TIMM44: variants seen among roughly 807,000 people sequenced by gnomAD.
TIMM44 encodes translocase of inner mitochondrial membrane 44.
In TIMM44, 37 loss-of-function variants were observed where a neutral mutation model predicts 63.8. The observed-to-expected ratio is 0.58, with a 90% CI of 0.45 to 0.76. The LOEUF is 0.76. Ranked by LOEUF, TIMM44 falls within the 30% of genes least tolerant of loss-of-function variation. The pLI is 0.00. For synonymous variants in TIMM44, 239 were observed against 245.1 expected (o/e 0.98, Z 0.23); for missense variants, 573 against 603.8 (o/e 0.95, Z 0.54).
intron 10 of TIMM44, among the ~76,000 whole-genome samples, chr19:7,929,471 T>C (rs1164331543): frequency 1.3e-5 from 2 of 152,130 alleles, no homozygotes; most frequent in African/African-American, 4.8e-5. Context: ...GCCCCATAGG[T>C]GGCGGCCCCG....
At chr19:7,940,042 G>A (rs1984262316) in intron 2 of TIMM44, among the ~76,000 whole-genome samples, 1 of 152,130 alleles carries the variant, frequency 6.6e-6, no homozygotes, top group African/African-American at 2.4e-5. Context: ...CCCCTCCCTG[G>A]CTCCTGTCAA....
At chr19:7,927,366 G>T (rs939099685) in intron 12 of TIMM44, 60 bp from the exon 13 acceptor site, 22 of 1,523,912 alleles carry the variant, frequency 1.4e-5, no homozygotes, top group East Asian at 2.3e-5. Context: ...GGCAGCTCTG[G>T]GGGGGGGCCA....
intron 10 of TIMM44, chr19:7,929,084 C>A (rs141359044): frequency 6.6e-6 from 1 of 152,172 alleles, no homozygotes. Flanking sequence ...TAGCCAAGAA[C>A]GATTCTGGAT....
At position 7,934,176 on chromosome 19, in the gene TIMM44, T is replaced by C. The variant is rs1345415109; in HGVS notation, c.456A>G (p.Ala152=). Residue 152 remains alanine (A), a synonymous_variant, in exon 5 of 13, where the codon GCA becomes GCG. Coordinates refer to ENST00000270538, the MANE Select transcript of TIMM44 (RefSeq NM_006351.4). This position sits in a 1 kb window ranked among gnomAD's most constrained non-coding sequence, Gnocchi z 5.3. ...GRKIKEGVEE[A]AKTAKQSAES... is the part of the protein sequence containing the mutation. ...CGGCCGACTGCTTGGCCGTCTTGGC[T>C]GCTTCCTCCACGCCCTCCTTGATTT... is the stretch of plus-strand genomic sequence containing the variant. The C allele has an allele frequency of 3.7e-6, 6 of 1,613,622 alleles. No homozygotes were observed. Among genetic ancestry groups the C allele is most frequent in the South Asian group, 1.1e-5 (1 of 91,088 alleles).
chr19:7,937,744 G>A (rs1057490379), intron 3 of TIMM44: 13 of 394,170 alleles, frequency 3.3e-5, no homozygotes, highest in Middle Eastern at 8.1e-4. Context: ...GGGGCCCAAC[G>A]CGGTGGCTCA....
chr19:7,941,910 G>C (rs1237296258), intron 1 of TIMM44, among the ~76,000 whole-genome samples: 2 of 152,298 alleles, frequency 1.3e-5, no homozygotes, highest in Non-Finnish European at 2.9e-5. Context: ...TGAGAGAACT[G>C]GATTTTTCAG....
intron 12 of TIMM44, 112 bp downstream of exon 12, chr19:7,927,545 A>G: frequency 8.2e-7 from 1 of 1,213,108 alleles, no homozygotes; most frequent in Non-Finnish European, 1.2e-6. Flanking sequence ...CCACATCCCC[A>G]CCCAGTCCCA....
In TIMM44 at chr19:7,927,682, T is replaced by C. The variant is rs759311916; in HGVS notation, c.1214A>G (p.Lys405Arg). ...AQLVMVVRNP[K>R]GEVVEGDPDK... ...CGGGTCACCCTCCACCACCTCGCCT[T>C]TGGGGTTCCTGACCACCATCACCAG... The change falls in exon 12 of 13, where the codon AAA becomes AGA. Residue 405 changes from lysine (K) to arginine (R), a missense_variant. Coordinates refer to ENST00000270538, the MANE Select transcript of TIMM44 (RefSeq NM_006351.4). 1 of 1,613,518 alleles carries C rather than the reference T, an allele frequency of 6.2e-7. No homozygotes were observed. Among genetic ancestry groups the C allele is most frequent in the Non-Finnish European group, 8.5e-7 (1 of 1,180,000 alleles).
chr19:7,932,840 C>G lies in TIMM44; in HGVS notation c.862G>C (p.Gly288Arg), dbSNP rs1175576891. The G allele has an allele frequency of 8.1e-6, 13 of 1,614,064 alleles. No homozygotes were observed. In the African/African-American group the frequency reaches 1.6e-4, roughly 20 times the overall value. The change falls in exon 8 of 13, where the codon GGG becomes CGG. Residue 288 changes from glycine (G) to arginine (R), a missense_variant and splice_region_variant. Gly to Arg is a moderately radical substitution (Grantham distance 125). Transcript: ENST00000270538. Reference sequence around the variant, plus strand: ...CGAGGTCCAGGGATGACTCACTCACCCAGCAAGTCGGTGACCTTGTCCGTA... The same window carrying G: ...CGAGGTCCAGGGATGACTCACTCACGCAGCAAGTCGGTGACCTTGTCCGTA... ...ALTDKVTDLL[G>R]GLFSKTEMSE...
At chr19:7,929,695 C>A (rs937246560) in intron 10 of TIMM44, among the ~76,000 whole-genome samples, 2 of 151,032 alleles carry the variant, frequency 1.3e-5, no homozygotes, top group African/African-American at 4.9e-5. Flanking sequence ...CCCAGCCCCC[C>A]CCCAGTCATG....
In TIMM44 at chr19:7,932,632, G is replaced by C; in HGVS notation, c.982C>G (p.Leu328Val). ...QCENDIIPNV[L>V]EAMISGELDI... ...CCTGGGGGTGTGGCACCCACCTCCA[G>C]GACATTGGGGATGATGTCGTTCTCG... The change falls in exon 9 of 13, where the codon CTG becomes GTG. Residue 328 changes from leucine to valine, a missense_variant. By Grantham distance (32) the Leu-to-Val change is conservative (BLOSUM62 1). Transcript: ENST00000270538. 3.7e-6 allele frequency: 6 copies of C among 1,613,526 alleles called. No homozygotes were observed. The highest frequency in any genetic ancestry group is 5.1e-6 in the Non-Finnish European group (6 of 1,180,020).
chr19:7,930,733 C>A (rs1238774962), intron 10 of TIMM44, among the ~76,000 whole-genome samples: 1 of 152,132 alleles, frequency 6.6e-6, no homozygotes, highest in Non-Finnish European at 1.5e-5. Context: ...GGCCACCGTG[C>A]CCAGACCTAA....
intron 1 of TIMM44, among the ~76,000 whole-genome samples, chr19:7,941,988 G>T (rs961733825): frequency 1.3e-5 from 2 of 152,158 alleles, no homozygotes; most frequent in Admixed American, 1.3e-4. Flanking sequence ...CCTCCTCAAG[G>T]GTTGAGCTAT....
rs761440242 is a variant in TIMM44 at position 7,927,266 on chromosome 19, C to A, written c.1280G>T (p.Arg427Leu). 1 of 1,611,960 alleles carries A rather than the reference C, an allele frequency of 6.2e-7. No homozygotes were observed. The highest frequency in any genetic ancestry group is 1.3e-5 in the African/African-American group (1 of 74,858). The change falls in exon 13 of 13, where the codon CGA becomes CTA. Residue 427 changes from arginine (R) to leucine (L), a missense_variant. Physicochemically the swap from Arg to Leu is moderately radical, Grantham distance 102. Coordinates refer to ENST00000270538, the MANE Select transcript of TIMM44 (RefSeq NM_006351.4). Reference protein sequence around the residue: ...LRMLYVWALCRDQDELNPYAA... With the variant: ...LRMLYVWALCLDQDELNPYAA... ...GTAGGGGTTGAGCTCGTCCTGGTCT[C>A]GGCAGAGCGCCCACACGTACAGCAT...
At chr19:7,930,867 T>C (rs532682903) in intron 10 of TIMM44, among the ~76,000 whole-genome samples, 13 of 152,098 alleles carry the variant, frequency 8.5e-5, no homozygotes, top group Non-Finnish European at 1.8e-4. Context: ...CAGAGAAGGA[T>C]TCTCCCTAAC....
intron 1 of TIMM44, among the ~76,000 whole-genome samples, chr19:7,941,436 C>T (rs1039125646): frequency 2.2e-4 from 33 of 151,924 alleles, no homozygotes; most frequent in Middle Eastern, 3.4e-3. Flanking sequence ...TACAGGTATG[C>T]GCCATCACAT....
At chr19:7,929,740 A>C (rs1599646391) in intron 10 of TIMM44, among the ~76,000 whole-genome samples, 2 of 110,398 alleles carry the variant, frequency 1.8e-5, no homozygotes, top group Non-Finnish European at 1.9e-5. Context: ...CCCCGGCCCC[A>C]GCCTGCACCC....
rs1312571800 is a variant in TIMM44, at chr19:7,933,949, G to C, written c.598C>G (p.Pro200Ala). The C allele has an allele frequency of 1.2e-6, 2 of 1,614,034 alleles. No individual in the cohort carries two copies. ...IDDSVLGQTG[P>A]YRRPQRLRKR... is the part of the protein sequence containing the mutation. ...CGGAGTCGCTGGGGCCTCCGGTAGG[G>C]CCCGGTCTGTCCCAGGACGCTGTCG... The change falls in exon 6 of 13, where the codon CCC becomes GCC. Residue 200 changes from proline (P) to alanine (A), a missense_variant. Physicochemically the swap from Pro to Ala is conservative, Grantham distance 27. Transcript: ENST00000270538. The surrounding 1 kb of genome is among the most constrained non-coding windows in gnomAD (Gnocchi z 4.3).
At position 7,937,790 on chromosome 19, in the gene TIMM44, G is replaced by A. The variant is rs192715174; in HGVS notation, c.312+237C>T. The A allele has an allele frequency of 2.3e-3, 1,093 of 472,154 alleles. 7 individuals carry two copies. Among genetic ancestry groups the A allele is most frequent in the African/African-American group, 0.011 (567 of 50,654 alleles). The allele number at this position is 472,154 out of a possible 1,614,324, so 29.2% of individuals were successfully genotyped here. The stretch of plus-strand genomic sequence containing the variant: ...CCCAGCACTTTGGAAGGCTGAGGCG[G>A]GCGGATCACTTGAGGTCAGGAGTTC... On this transcript the variant is annotated intron_variant, in intron 3 of 12. Transcript: ENST00000270538.
Sources: allele counts gnomAD v4.1 joint callset (sites outside exome capture counted in the v4.1 genomes callset), GRCh38; gene constraint gnomAD v4.1.1; non-coding constraint Gnocchi (gnomAD v3.1); transcripts MANE v1.5; gene names NCBI Gene and HGNC (gene_info 2026-07-23, HGNC 2026-07-21).